Variants in CELF2 observed in about 807,000 individuals in gnomAD.
CELF2 encodes the protein CUG triplet repeat RNA-binding protein 2.
A neutral mutation model predicts 62.6 loss-of-function variants in CELF2; 8 were observed. That is an observed-to-expected ratio of 0.13 (90% CI 0.07 to 0.23). The LOEUF is 0.23. Ranked by LOEUF, CELF2 falls within the 10% of genes least tolerant of loss-of-function variation. The pLI is 1.00. For missense variants in CELF2, 333 were observed against 671.0 expected (o/e 0.50, Z 5.56); for synonymous variants, 258 against 250.0 (o/e 1.03, Z -0.30).
intron 2 of CELF2, among the ~76,000 whole-genome samples, chr10:10,966,976 A>G (rs2050187340): frequency 6.6e-6 from 1 of 152,250 alleles, no homozygotes; most frequent in Non-Finnish European, 1.5e-5. Flanking sequence ...TTGATTACCA[A>G]TTCATACCCT....
In CELF2 at chr10:10,932,152, A is replaced by G. The variant is rs117624656; in HGVS notation, c.89+12153A>G. On this transcript the variant is annotated intron_variant, in intron 2 of 13. Transcript: ENST00000636488. ...TGATCAAGGAAATATATGAGGTCCT[A>G]TGGGGGATACAAGGTACGATGATCC... Among the ~76,000 whole-genome samples the G allele has an allele frequency of 1.2e-4, 18 of 152,228 alleles. 1 individual carries two copies. The East Asian group carries it at 3.3e-3, about 28-fold the overall frequency.
At chr10:10,822,356 C>T (rs1299131359) in intron 1 of CELF2, among the ~76,000 whole-genome samples, 1 of 152,208 alleles carries the variant, frequency 6.6e-6, no homozygotes, top group Non-Finnish European at 1.5e-5. Context: ...GAGGCAAATT[C>T]TGCAGTAAAG....
intron 1 of CELF2, among the ~76,000 whole-genome samples, chr10:11,065,526 A>C (rs1306552167): frequency 6.6e-6 from 1 of 152,102 alleles, no homozygotes; most frequent in Non-Finnish European, 1.5e-5. Context: ...AATCATAAGG[A>C]GCTCCAGTCG....
rs1363913343 is a variant in CELF2, at chr10:11,223,050, G to A, written c.354+5543G>A. Among the ~76,000 whole-genome samples, 1 of 152,330 alleles carries A rather than the reference G, an allele frequency of 6.6e-6. No homozygotes were observed. ...GGCTTAGTCTCAATTACTTTGTAGCGAACTTTCTTATTTGAGGCTTCACCA... is the reference window on the plus strand; with the variant it reads ...GGCTTAGTCTCAATTACTTTGTAGCAAACTTTCTTATTTGAGGCTTCACCA... On this transcript the variant is annotated intron_variant, in intron 3 of 12. Coordinates refer to ENST00000633077, the MANE Select transcript of CELF2 (RefSeq NM_001326342.2). The surrounding 1 kb of genome is among the most constrained non-coding windows in gnomAD (Gnocchi z 5.1).
At chr10:10,835,492 C>T (rs576696598) in intron 1 of CELF2, among the ~76,000 whole-genome samples, 3 of 152,102 alleles carry the variant, frequency 2.0e-5, no homozygotes, top group South Asian at 4.2e-4. Flanking sequence ...TAGCGATTCT[C>T]CTGCCTCAGC....
chr10:10,802,596 C>T (rs2131544887), intron 1 of CELF2, among the ~76,000 whole-genome samples: 1 of 152,254 alleles, frequency 6.6e-6, no homozygotes, highest in East Asian at 1.9e-4. Flanking sequence ...GAATGGGACC[C>T]AGAATATCTG....
the CELF2 span, among the ~76,000 whole-genome samples, chr10:10,682,660 A>G: frequency 6.6e-6 from 1 of 150,676 alleles, no homozygotes; most frequent in Non-Finnish European, 1.5e-5. Context: ...TTTCTTCTGG[A>G]TTCAGTTTAC....
At position 11,243,265 on chromosome 10, in the gene CELF2, G is replaced by A. The variant is rs749421502; in HGVS notation, c.355-5888G>A. On this transcript the variant is annotated intron_variant, in intron 3 of 12. Transcript: ENST00000633077. This position sits in a 1 kb window ranked among gnomAD's most constrained non-coding sequence, Gnocchi z 4.1. ...AGGAGCCTTTGAAATTTCCCCTTTC[G>A]CTATGTTTCACTGGTTTTTAAACAA... is the stretch of plus-strand genomic sequence containing the variant. 1.1e-4 allele frequency among the ~76,000 whole-genome samples: 16 copies of A among 151,016 alleles called. No individual in the cohort carries two copies. Among genetic ancestry groups the A allele is most frequent in the African/African-American group, 2.2e-4 (9 of 40,960 alleles).
intron 1 of CELF2, among the ~76,000 whole-genome samples, chr10:11,081,220 A>G (rs916235743): frequency 4.1e-4 from 62 of 152,340 alleles, no homozygotes; most frequent in African/African-American, 1.5e-3. Context: ...CATCAGCTAA[A>G]AATGTAAGAT....
At chr10:10,579,794 C>G in the CELF2 span, among the ~76,000 whole-genome samples, 5 of 151,920 alleles carry the variant, frequency 3.3e-5, no homozygotes, top group African/African-American at 1.2e-4. Context: ...TTCCAAATAT[C>G]TGAGAAAGAA....
Position 10,934,243 on chromosome 10 carries a change from G to A in CELF2, c.89+14244G>A, listed in dbSNP as rs1265848987. 6.6e-6 allele frequency among the ~76,000 whole-genome samples: 1 copy of A among 152,218 alleles called. No homozygotes were observed. The highest frequency in any genetic ancestry group is 1.5e-5 in the Non-Finnish European group (1 of 68,044). On this transcript the variant is annotated intron_variant, in intron 2 of 13. Transcript: ENST00000636488. The surrounding 1 kb of genome is among the most constrained non-coding windows in gnomAD (Gnocchi z 4.4). ...TAGAATTCAAAGAGCACGTTAGCAA[G>A]GTTAATCTGATGGTAATCTGTAACA...
At chr10:11,000,323 G>A (rs534273559), upstream of CELF2, among the ~76,000 whole-genome samples, 4 of 152,016 alleles carry the variant, frequency 2.6e-5, no homozygotes, top group East Asian at 3.9e-4. Flanking sequence ...TTACAGCAGA[G>A]AATCATGATT....
chr10:10,477,366 A>G, the CELF2 span, among the ~76,000 whole-genome samples: 1 of 152,180 alleles, frequency 6.6e-6, no homozygotes, highest in Non-Finnish European at 1.5e-5. Flanking sequence ...CCTTTGATTC[A>G]GAGAGTTTTT....
chr10:10,837,600 C>G (rs760021110), intron 1 of CELF2, among the ~76,000 whole-genome samples: 1 of 152,162 alleles, frequency 6.6e-6, no homozygotes, highest in African/African-American at 2.4e-5. Flanking sequence ...GGACGTTATA[C>G]TTGGCATTTT....
chr10:10,471,001 G>A, the CELF2 span, among the ~76,000 whole-genome samples: 1 of 150,920 alleles, frequency 6.6e-6, no homozygotes, highest in Non-Finnish European at 1.5e-5. Flanking sequence ...AATTTCTTAT[G>A]AAATTGCTTT....
the CELF2 span, among the ~76,000 whole-genome samples, chr10:10,649,784 T>C: frequency 4.6e-5 from 7 of 152,158 alleles, no homozygotes; most frequent in Admixed American, 6.5e-5. Context: ...GACCCGCGTG[T>C]AGTGTAGGTA....
At chr10:11,161,876 G>T (rs1053855467) in intron 1 of CELF2, among the ~76,000 whole-genome samples, 2 of 152,168 alleles carry the variant, frequency 1.3e-5, no homozygotes, top group African/African-American at 4.8e-5. Context: ...TTAGTTTCTA[G>T]CAGGTACCTC....
the CELF2 span, among the ~76,000 whole-genome samples, chr10:10,581,538 G>A: frequency 6.6e-6 from 1 of 152,122 alleles, no homozygotes; most frequent in African/African-American, 2.4e-5. Context: ...CAGAAAAACA[G>A]CACACTGTCT....
At chr10:10,633,364 C>A in the CELF2 span, among the ~76,000 whole-genome samples, 1 of 152,170 alleles carries the variant, frequency 6.6e-6, no homozygotes, top group Non-Finnish European at 1.5e-5. Flanking sequence ...TGGTTCTGAT[C>A]TCTGCTAGTC....
Sources: allele counts gnomAD v4.1 joint callset (sites outside exome capture counted in the v4.1 genomes callset), GRCh38; gene constraint gnomAD v4.1.1; non-coding constraint Gnocchi (gnomAD v3.1); transcripts MANE v1.5; gene names NCBI Gene and HGNC (gene_info 2026-07-23, HGNC 2026-07-21).